The following ABL1 variants were observed in gnomAD, a reference collection of about 807,000 sequenced individuals.
ABL1 encodes ABL proto-oncogene 1, non-receptor tyrosine kinase, also known as tyrosine-protein kinase ABL1.
Under a neutral mutation model 94.7 loss-of-function variants are expected in ABL1, and 11 were observed. The ratio of observed to expected loss-of-function variants is 0.12; its 90% CI spans 0.07 to 0.19. The LOEUF (loss-of-function observed/expected upper bound fraction) is 0.19, where lower values mean the gene tolerates loss of function less well. Among genes scored for constraint, ABL1 ranks in the 10% least tolerant of loss-of-function variants. ABL1 has a pLI of 1.00. For synonymous variants in ABL1, 656 were observed against 622.4 expected, an observed-to-expected ratio of 1.05 and a Z score of -0.80; for missense variants, 1,082 against 1,489.4, an observed-to-expected ratio of 0.73 and a Z score of 4.50.
At chr9:130,719,957 AT>A (rs1258636417) in intron 1 of ABL1, among the ~76,000 whole-genome samples, 1 of 152,228 alleles carries the variant, frequency 6.6e-6, no homozygotes, top group Non-Finnish European at 1.5e-5. Context: ...GTTATTAAAT[AT>A]TTCATGCACC....
intron 1 of ABL1, among the ~76,000 whole-genome samples, chr9:130,791,775 TTCAGACTCGGACTGAGCCACTACGAGC>T (rs1204136136): frequency 2.0e-5 from 3 of 152,144 alleles, no homozygotes; most frequent in Non-Finnish European, 4.4e-5. Flanking sequence ...TTTTGAGGCT[TTCAGACTCGGACTGAGCCACTACGAGC>T]TCTCTTTCCC....
Position 130,880,524 on chromosome 9 carries a change from A to G in ABL1, c.1538A>G (p.Gln513Arg), listed in dbSNP as rs773026233. 8 of 1,613,778 alleles carry G rather than the reference A, an allele frequency of 5.0e-6. No homozygotes were observed. The Admixed American group carries it at 1.3e-4, about 27-fold the overall frequency. ...GAAGTGGAAAAGGAGCTGGGGAAAC[A>G]AGGCGTCCGTGGGGCTGTGAGTACC... ...SDEVEKELGK[Q>R]GVRGAVSTLL... Residue 513 changes from glutamine to arginine, a missense_variant, in exon 10 of 11, where the codon CAA (glutamine) becomes CGA (arginine). This residue lies in a region of ABL1 where 780 missense variants were observed against 835.8 expected (regional missense o/e 0.93). Transcript: ENST00000318560. The surrounding 1 kb of genome is among the most constrained non-coding windows in gnomAD (Gnocchi z 4.4).
intron 1 of ABL1, among the ~76,000 whole-genome samples, chr9:130,777,423 G>A (rs1829682160): frequency 6.6e-6 from 1 of 151,844 alleles, no homozygotes; most frequent in South Asian, 2.1e-4. Flanking sequence ...TAGACTATGA[G>A]CAGGGGAATC....
chr9:130,879,941 G>A (rs1831423195), intron 8 of ABL1, 127 bp from the exon 9 acceptor site: 1 of 859,974 alleles, frequency 1.2e-6, no homozygotes, highest in Non-Finnish European at 1.9e-6. Context: ...GTTTTGACTT[G>A]TTGCAGCAAA....
intron 1 of ABL1, among the ~76,000 whole-genome samples, chr9:130,776,700 G>A (rs1344129661): frequency 6.6e-6 from 1 of 152,158 alleles, no homozygotes; most frequent in Non-Finnish European, 1.5e-5. Flanking sequence ...TGCAGGGCTA[G>A]TGTAGACAAG....
At chr9:130,746,596 G>T (rs529223095) in intron 1 of ABL1, among the ~76,000 whole-genome samples, 28 of 151,252 alleles carry the variant, frequency 1.9e-4, no homozygotes, top group African/African-American at 6.6e-4. Flanking sequence ...TCTAAATGTT[G>T]CATGTGACAA....
intron 1 of ABL1, among the ~76,000 whole-genome samples, chr9:130,750,644 C>CTTTTTTTTTTT (rs71389345): frequency 4.8e-4 from 42 of 87,278 alleles, no homozygotes; most frequent in Admixed American, 6.5e-4. Context: ...CTTTTTCTTT[C>CTTTTTTTTTTT]TTTTTTTTTT....
intron 1 of ABL1, among the ~76,000 whole-genome samples, chr9:130,770,171 GTC>G (rs780747993): frequency 2.1e-5 from 2 of 93,414 alleles, no homozygotes; most frequent in Admixed American, 1.0e-4. Flanking sequence ...CTCTCTCTCT[GTC>G]TCTCTCTCTC....
intron 1 of ABL1, among the ~76,000 whole-genome samples, chr9:130,810,584 T>C (rs1372522216): frequency 1.3e-5 from 2 of 151,698 alleles, no homozygotes; most frequent in African/African-American, 4.8e-5. Flanking sequence ...TTTTGAAGAC[T>C]TAACCATAGA....
intron 1 of ABL1, among the ~76,000 whole-genome samples, chr9:130,752,170 A>G (rs1588223436): frequency 6.6e-6 from 1 of 152,348 alleles, no homozygotes; most frequent in East Asian, 1.9e-4. Flanking sequence ...GCTAAGCACC[A>G]TTAACCAGAT....
intron 1 of ABL1, among the ~76,000 whole-genome samples, chr9:130,722,603 C>T (rs1333914514): frequency 6.6e-6 from 1 of 152,114 alleles, no homozygotes; most frequent in Non-Finnish European, 1.5e-5. Flanking sequence ...GATCCTCTTG[C>T]CTTAGCCTCC....
At chr9:130,844,080 G>A (rs1226900884) in intron 1 of ABL1, among the ~76,000 whole-genome samples, 3 of 152,150 alleles carry the variant, frequency 2.0e-5, no homozygotes, top group African/African-American at 4.8e-5. Context: ...GTAAGTGGTA[G>A]CTGACCATTG....
chr9:130,774,719 A>G (rs1188313262), intron 1 of ABL1, among the ~76,000 whole-genome samples: 10 of 152,082 alleles, frequency 6.6e-5, no homozygotes, highest in Non-Finnish European at 2.9e-5. Context: ...GGTGGCGTGC[A>G]TCTATAGTCC....
At chr9:130,883,939 G>C (rs1370737855) in intron 10 of ABL1, 30 bp from the exon 11 acceptor site, 13 of 1,582,240 alleles carry the variant, frequency 8.2e-6, no homozygotes, top group Non-Finnish European at 1.1e-5. Flanking sequence ...GAGTTGTCTG[G>C]AGTTGTCAGC....
At chr9:130,750,189 ATACATATATATATATATATATAT>A (rs1831938145) in intron 1 of ABL1, among the ~76,000 whole-genome samples, 3 of 69,814 alleles carry the variant, frequency 4.3e-5, no homozygotes, top group African/African-American at 2.7e-4. Flanking sequence ...GAAAAAAAAA[ATACATATATATATATATATATAT>A]ATATATATAT....
chr9:130,877,135 T>C (rs959165873), intron 7 of ABL1, among the ~76,000 whole-genome samples: 2 of 148,060 alleles, frequency 1.4e-5, no homozygotes, highest in African/African-American at 5.2e-5. Context: ...CCTGTTGATA[T>C]TCAGATTGTC....
At chr9:130,794,825 T>G (rs1410567924) in intron 1 of ABL1, among the ~76,000 whole-genome samples, 4 of 152,192 alleles carry the variant, frequency 2.6e-5, no homozygotes, top group African/African-American at 9.7e-5. Context: ...CAATGTAGGT[T>G]CCACTCTTCT....
chr9:130,885,103 T>C lies in ABL1; in HGVS notation c.2813T>C (p.Val938Ala), dbSNP rs746653377. 1.9e-6 allele frequency: 3 copies of C among 1,611,658 alleles called. No individual in the cohort carries two copies. Among genetic ancestry groups the C allele is most frequent in the South Asian group, 1.1e-5 (1 of 91,004 alleles). Residue 938 changes from valine to alanine, a missense_variant, in exon 11 of 11, where the codon GTT becomes GCT. Physicochemically the swap from Val to Ala is moderately conservative, Grantham distance 64. Transcript: ENST00000318560. ...LGAKTKATSL[V>A]DAVNSDAAKP... The stretch of plus-strand genomic sequence containing the variant: ...GCAAAGACAAAAGCCACGAGTCTGG[T>C]TGATGCTGTGAACAGTGACGCTGCC...
At chr9:130,768,042 C>A (rs575580736) in intron 1 of ABL1, among the ~76,000 whole-genome samples, 1 of 152,256 alleles carries the variant, frequency 6.6e-6, no homozygotes, top group African/African-American at 2.4e-5. Flanking sequence ...TATTTTACTT[C>A]CAAAACCCTG....
Sources: allele counts gnomAD v4.1 joint callset (sites outside exome capture counted in the v4.1 genomes callset), GRCh38; gene constraint gnomAD v4.1.1; regional missense constraint gnomAD v4.1.1; non-coding constraint Gnocchi (gnomAD v3.1); transcripts MANE v1.5; gene names NCBI Gene and HGNC (gene_info 2026-07-23, HGNC 2026-07-21).